RBM47: variants seen among roughly 807,000 people sequenced by gnomAD.
RBM47 encodes the protein RNA binding motif protein 47, also known as RNA-binding protein 47.
In RBM47, 21 loss-of-function variants were observed where a neutral mutation model predicts 47.1. The ratio of observed to expected loss-of-function variants is 0.45; its 90% CI spans 0.32 to 0.64. The LOEUF is 0.64. Among genes scored for constraint, RBM47 ranks in the 30% least tolerant of loss-of-function variants. The probability of loss-of-function intolerance (pLI) is 0.05; values close to 1 mark genes in which losing one functional copy is unlikely to be tolerated. For missense variants in RBM47, 708 were observed against 870.9 expected (o/e 0.81, Z 2.35); for synonymous variants, 375 against 361.7 (o/e 1.04, Z -0.42).
At chr4:40,558,609 C>A (rs1730319947) in intron 1 of RBM47, among the ~76,000 whole-genome samples, 1 of 151,272 alleles carries the variant, frequency 6.6e-6, no homozygotes, top group African/African-American at 2.4e-5. Flanking sequence ...TGGCAAATAA[C>A]CTGAGGTCAG....
intron 3 of RBM47, among the ~76,000 whole-genome samples, chr4:40,448,710 C>T (rs1045418373): frequency 7.9e-5 from 12 of 152,094 alleles, no homozygotes; most frequent in African/African-American, 1.7e-4. Flanking sequence ...AGTAACAGCA[C>T]CAGGACTAAG....
At chr4:40,484,490 G>C (rs1055763668) in intron 2 of RBM47, among the ~76,000 whole-genome samples, 4 of 151,246 alleles carry the variant, frequency 2.6e-5, no homozygotes, top group African/African-American at 9.7e-5. Flanking sequence ...CATCCTGAAA[G>C]CAGTAGGATG....
At chr4:40,471,798 G>A (rs957489159) in intron 2 of RBM47, among the ~76,000 whole-genome samples, 6 of 151,840 alleles carry the variant, frequency 4.0e-5, no homozygotes, top group African/African-American at 1.5e-4. Context: ...AGGCTTGTAA[G>A]GCCTATAAAG....
At chr4:40,534,063 C>A (rs1235602876) in intron 2 of RBM47, among the ~76,000 whole-genome samples, 1 of 151,978 alleles carries the variant, frequency 6.6e-6, no homozygotes, top group Non-Finnish European at 1.5e-5. Flanking sequence ...GATCCACATG[C>A]CTCGGCCTCC....
Position 40,478,102 on chromosome 4 carries a change from G to T in RBM47, c.-154-11403C>A, listed in dbSNP as rs1027460192. ...GCGATCTTGGCTCACCGCAACCTCC[G>T]CCTCCTGGGTTCAAGCGATTCTCCT... On this transcript the variant is annotated intron_variant, in intron 2 of 6. Transcript: ENST00000295971. 2.2e-5 allele frequency among the ~76,000 whole-genome samples: 3 copies of T among 137,626 alleles called. 1 individual carries two copies. The highest frequency in any genetic ancestry group is 8.3e-5 in the African/African-American group (3 of 36,164). The allele number at this position is 137,626 out of a possible 152,430, so 90.3% of individuals were successfully genotyped here. A position where few individuals can be genotyped will look rare whatever the true frequency, so the allele number is the denominator to read the frequency against.
chr4:40,471,352 GGC>G lies in RBM47; in HGVS notation c.-154-4655_-154-4654del, dbSNP rs1718836541. ...CAGCTGGCTTCTCCCTATCCACTCAGGCCTGCTGCAATCAATCTAGGTCTCCT... is the reference window on the plus strand; with the variant it reads ...CAGCTGGCTTCTCCCTATCCACTCAGCTGCTGCAATCAATCTAGGTCTCCT... On this transcript the variant is annotated intron_variant, in intron 2 of 6. Transcript: ENST00000295971. Among the ~76,000 whole-genome samples, 5 of 152,220 alleles carry G rather than the reference GGC, an allele frequency of 3.3e-5. No individual in the cohort carries two copies. The South Asian group carries it at 1.0e-3, about 32-fold the overall frequency.
rs149702673 is a variant in RBM47, at chr4:40,438,700, G to A, written c.194C>T (p.Pro65Leu). The change falls in exon 4 of 7, where the codon CCG (proline) becomes CTG (leucine). Residue 65 changes from proline (P) to leucine (L), a missense_variant. Transcript: ENST00000295971. The stretch of plus-strand genomic sequence containing the variant: ...GACCTCGCAGCCACGCTGCGGGTGC[G>A]GGCCCTCCCAGCCGGGCGGTGGGCC... The part of the protein sequence containing the change: ...YGGPPPGWEG[P>L]HPQRGCEVFV... 34 of 1,610,914 alleles carry A rather than the reference G, an allele frequency of 2.1e-5. No individual in the cohort carries two copies. The highest frequency in any genetic ancestry group is 2.8e-5 in the Non-Finnish European group (33 of 1,179,040).
At chr4:40,522,815 T>C (rs934520234) in intron 2 of RBM47, among the ~76,000 whole-genome samples, 112 of 152,260 alleles carry the variant, frequency 7.4e-4, no homozygotes, top group African/African-American at 2.6e-3. Flanking sequence ...ATAATTATTT[T>C]TCATGAAAAC....
intron 5 of RBM47, among the ~76,000 whole-genome samples, chr4:40,434,517 G>T (rs190856799): frequency 6.6e-6 from 1 of 151,982 alleles, no homozygotes; most frequent in Non-Finnish European, 1.5e-5. Context: ...TTAAGCTACC[G>T]TAACTTGCCA....
intron 3 of RBM47, among the ~76,000 whole-genome samples, chr4:40,447,489 G>T (rs1448266210): frequency 6.6e-6 from 1 of 152,138 alleles, no homozygotes; most frequent in Non-Finnish European, 1.5e-5. Context: ...ATTTTAGAGG[G>T]CAAAGGATAC....
chr4:40,471,361 C>T (rs59692630), intron 2 of RBM47, among the ~76,000 whole-genome samples: 4,092 of 152,226 alleles, frequency 0.027, 83 homozygotes, highest in South Asian at 0.06. Flanking sequence ...AGGCCTGCTG[C>T]AATCAATCTA....
intron 3 of RBM47, among the ~76,000 whole-genome samples, chr4:40,463,220 A>T (rs769160651): frequency 4.6e-5 from 7 of 152,178 alleles, no homozygotes; most frequent in Non-Finnish European, 8.8e-5. Flanking sequence ...ATCTGCAAAG[A>T]CCCTTGAAAA....
intron 1 of RBM47, among the ~76,000 whole-genome samples, chr4:40,572,366 CA>C (rs147366103): frequency 0.34 from 48,497 of 142,352 alleles, 8,340 homozygotes; most frequent in Admixed American, 0.39. Context: ...GACTCCATCT[CA>C]AAAAAAAAAA....
chr4:40,595,900 G>A (rs974411283), intron 1 of RBM47, among the ~76,000 whole-genome samples: 12 of 148,840 alleles, frequency 8.1e-5, no homozygotes, highest in African/African-American at 2.7e-4. Flanking sequence ...GTGAAACTTC[G>A]TCCCCCCTGC....
At chr4:40,550,708 C>T (rs1336075818) in intron 1 of RBM47, among the ~76,000 whole-genome samples, 2 of 152,010 alleles carry the variant, frequency 1.3e-5, no homozygotes, top group African/African-American at 4.8e-5. Flanking sequence ...TGTGAGCCAC[C>T]GCGCCTGGCC....
At chr4:40,569,000 T>C (rs1467078133) in intron 1 of RBM47, among the ~76,000 whole-genome samples, 1 of 144,792 alleles carries the variant, frequency 6.9e-6, no homozygotes, top group Non-Finnish European at 1.5e-5. Flanking sequence ...GATAGATAGA[T>C]AGATAGATAG....
intron 3 of RBM47, among the ~76,000 whole-genome samples, chr4:40,455,130 G>A (rs2154220254): frequency 6.6e-6 from 1 of 152,270 alleles, no homozygotes; most frequent in East Asian, 1.9e-4. Context: ...AAAGAGTTCT[G>A]CAAACTGTCC....
chr4:40,599,310 G>C (rs1383945041), intron 1 of RBM47, among the ~76,000 whole-genome samples: 1 of 149,956 alleles, frequency 6.7e-6, no homozygotes, highest in Non-Finnish European at 1.5e-5. Context: ...CCACAAAATA[G>C]AGAAAATAAG....
intron 2 of RBM47, among the ~76,000 whole-genome samples, chr4:40,537,164 T>G (rs555233306): frequency 3.2e-4 from 48 of 150,754 alleles, no homozygotes; most frequent in African/African-American, 1.1e-3. Flanking sequence ...CAGGCTGGAG[T>G]GCAGTGGCAT....
Sources: allele counts gnomAD v4.1 joint callset (sites outside exome capture counted in the v4.1 genomes callset), GRCh38; gene constraint gnomAD v4.1.1; transcripts MANE v1.5; gene names NCBI Gene and HGNC (gene_info 2026-07-23, HGNC 2026-07-21).